The following GPR149 variants were observed in gnomAD, a reference collection of about 807,000 sequenced individuals.
The protein encoded by GPR149 is G protein-coupled receptor 149.
In GPR149, 50 loss-of-function variants were observed where a neutral mutation model predicts 50.2. That is an observed-to-expected ratio of 1.00 (90% CI 0.79 to 1.26). The LOEUF (loss-of-function observed/expected upper bound fraction) is 1.26, where lower values mean the gene tolerates loss of function less well. Among genes scored for constraint, GPR149 ranks in the 50% most tolerant of loss-of-function variants. The pLI is 0.00. For synonymous variants in GPR149, 405 were observed against 358.2 expected, an observed-to-expected ratio of 1.13 and a Z score of -1.48; for missense variants, 983 against 895.4, an observed-to-expected ratio of 1.10 and a Z score of -1.25.
intron 2 of GPR149, among the ~76,000 whole-genome samples, chr3:154,424,497 C>A (rs188509004): frequency 4.6e-5 from 7 of 151,860 alleles, no homozygotes; most frequent in Admixed American, 3.9e-4. Flanking sequence ...GACAGTGCTA[C>A]AGTTCCTGAC....
intron 3 of GPR149, among the ~76,000 whole-genome samples, chr3:154,351,756 GTTATT>G (rs984294550): frequency 6.6e-6 from 1 of 152,020 alleles, no homozygotes; most frequent in African/African-American, 2.4e-5. Flanking sequence ...AATAAATTTT[GTTATT>G]TTATAGGGTT....
Position 154,335,056 on chromosome 3 carries a change from A to G in GPR149, c.*2643T>C, listed in dbSNP as rs1448679313. 6.6e-6 allele frequency: 1 copy of G among 152,082 alleles called. No individual in the cohort carries two copies. Among genetic ancestry groups the G allele is most frequent in the Admixed American group, 6.6e-5 (1 of 15,262 alleles). 9.4% of individuals were successfully genotyped at this position (152,082 alleles called of 1,614,324 possible). ...TCAGAAGTCTTAGGGATTATATATTAGGTGTTTATACTATTTGGGAGTCTC... is the reference window on the plus strand; with the variant it reads ...TCAGAAGTCTTAGGGATTATATATTGGGTGTTTATACTATTTGGGAGTCTC... On this transcript the variant is annotated 3_prime_UTR_variant, in exon 4 of 4. Transcript: ENST00000389740.
At chr3:154,403,697 A>C (rs1172558146) in intron 3 of GPR149, among the ~76,000 whole-genome samples, 2 of 152,174 alleles carry the variant, frequency 1.3e-5, no homozygotes, top group Non-Finnish European at 2.9e-5. Flanking sequence ...TGAAAAATAC[A>C]ATTCCGCATG....
At chr3:154,400,037 A>G (rs1711511275) in intron 3 of GPR149, among the ~76,000 whole-genome samples, 1 of 152,136 alleles carries the variant, frequency 6.6e-6, no homozygotes, top group South Asian at 2.1e-4. Context: ...CCCAGGCTGG[A>G]GTGCGGTGGC....
At chr3:154,418,778 C>T (rs1333108899) in intron 3 of GPR149, among the ~76,000 whole-genome samples, 1 of 151,238 alleles carries the variant, frequency 6.6e-6, no homozygotes, top group Non-Finnish European at 1.5e-5. Flanking sequence ...AACTAACCTG[C>T]ACAATGTGCA....
chr3:154,357,253 A>G (rs1467759407), intron 3 of GPR149, among the ~76,000 whole-genome samples: 2 of 152,118 alleles, frequency 1.3e-5, no homozygotes, highest in Admixed American at 1.3e-4. Context: ...AGGCAATACC[A>G]TTCAGGACAT....
chr3:154,413,048 G>T (rs1388614650), intron 3 of GPR149, among the ~76,000 whole-genome samples: 2 of 152,124 alleles, frequency 1.3e-5, no homozygotes, highest in Admixed American at 1.3e-4. Context: ...AACATAAAGT[G>T]GGGAAAAGAT....
chr3:154,357,148 G>A (rs576098279), intron 3 of GPR149, among the ~76,000 whole-genome samples: 1 of 152,238 alleles, frequency 6.6e-6, no homozygotes, highest in East Asian at 1.9e-4. Flanking sequence ...GCTGAAACTG[G>A]ATCCCTTCCT....
At chr3:154,346,457 A>G (rs1713928059) in intron 3 of GPR149, among the ~76,000 whole-genome samples, 1 of 152,200 alleles carries the variant, frequency 6.6e-6, no homozygotes, top group African/African-American at 2.4e-5. Flanking sequence ...GAATTCCTCA[A>G]GGAAAGAGAG....
intron 3 of GPR149, among the ~76,000 whole-genome samples, chr3:154,362,613 C>T (rs1714438524): frequency 6.6e-6 from 1 of 152,078 alleles, no homozygotes; most frequent in Non-Finnish European, 1.5e-5. Flanking sequence ...GTGGCAGTGC[C>T]CTGAGTGAAG....
At chr3:154,400,277 C>T (rs764028478) in intron 3 of GPR149, among the ~76,000 whole-genome samples, 4 of 152,292 alleles carry the variant, frequency 2.6e-5, no homozygotes, top group Admixed American at 1.3e-4. Context: ...TGAGCCACCG[C>T]GCCCGGCCCT....
intron 3 of GPR149, among the ~76,000 whole-genome samples, chr3:154,390,851 C>T (rs928310514): frequency 3.3e-5 from 5 of 151,990 alleles, no homozygotes; most frequent in Non-Finnish European, 7.4e-5. Context: ...AGGAAATCTC[C>T]GTGGGGTTAT....
chr3:154,338,135 T>A lies in GPR149; in HGVS notation c.1760A>T (p.Lys587Met), dbSNP rs1423831039. ...AEGQKITPAS[K>M]KIEVYRSKSV... ...TTTGGATCGATAGACTTCTATTTTC[T>A]TAGAGGCTGGAGTTATTTTTTGCCC... The change falls in exon 4 of 4, where the codon AAG (lysine) becomes ATG (methionine). Residue 587 changes from lysine to methionine, a missense_variant. Coordinates refer to ENST00000389740, the MANE Select transcript of GPR149 (RefSeq NM_001038705.3). 1 of 1,614,186 alleles carries A rather than the reference T, an allele frequency of 6.2e-7. No individual in the cohort carries two copies. Among genetic ancestry groups the A allele is most frequent in the Middle Eastern group, 1.6e-4 (1 of 6,062 alleles).
intron 3 of GPR149, among the ~76,000 whole-genome samples, chr3:154,391,178 G>A (rs577412877): frequency 2.6e-5 from 4 of 152,050 alleles, no homozygotes; most frequent in South Asian, 4.2e-4. Flanking sequence ...ATACTGTAAT[G>A]GTAGTGGGTA....
intron 3 of GPR149, among the ~76,000 whole-genome samples, chr3:154,348,491 A>G (rs1713986189): frequency 6.6e-6 from 1 of 151,488 alleles, no homozygotes. Context: ...CAGACAAAAG[A>G]AAGTTATCAG....
chr3:154,394,110 A>G (rs897824844), intron 3 of GPR149, among the ~76,000 whole-genome samples: 5 of 152,224 alleles, frequency 3.3e-5, no homozygotes, highest in African/African-American at 1.2e-4. Flanking sequence ...AGCCAAAACA[A>G]TTTTAAGAAG....
chr3:154,357,229 C>G (rs1453352345), intron 3 of GPR149, among the ~76,000 whole-genome samples: 1 of 152,072 alleles, frequency 6.6e-6, no homozygotes, highest in Admixed American at 6.6e-5. Context: ...CATAAAAACC[C>G]TAGAAGAAAA....
intron 2 of GPR149, among the ~76,000 whole-genome samples, chr3:154,423,147 A>G (rs1463029509): frequency 1.3e-5 from 2 of 151,930 alleles, no homozygotes; most frequent in South Asian, 4.1e-4. Flanking sequence ...GACAAGGGGC[A>G]GTGTGAGGTA....
At chr3:154,359,247 G>C (rs972002850) in intron 3 of GPR149, among the ~76,000 whole-genome samples, 1 of 152,208 alleles carries the variant, frequency 6.6e-6, no homozygotes, top group South Asian at 2.1e-4. Flanking sequence ...CTGGTAGTTT[G>C]TATTCTTGTC....
Sources: allele counts gnomAD v4.1 joint callset (sites outside exome capture counted in the v4.1 genomes callset), GRCh38; gene constraint gnomAD v4.1.1; transcripts MANE v1.5; gene names NCBI Gene and HGNC (gene_info 2026-07-23, HGNC 2026-07-21).